Variants in FREM1 observed in about 807,000 individuals in gnomAD.
FREM1 encodes FRAS1 related extracellular matrix 1.
FREM1 carries 220 observed loss-of-function variants against 210.1 expected under a neutral mutation model. The observed-to-expected ratio is 1.05, with a 90% CI of 0.94 to 1.17. The LOEUF (loss-of-function observed/expected upper bound fraction) is 1.17, where lower values mean the gene tolerates loss of function less well. FREM1 is among the 50% of genes most tolerant of loss of function. The pLI, the probability that FREM1 is intolerant of heterozygous loss-of-function variation, is 0.00. For synonymous variants in FREM1, 1,189 were observed against 980.2 expected (o/e 1.21, Z -3.98); for missense variants, 3,454 against 2,675.5 (o/e 1.29, Z -6.42).
At position 14,769,683 on chromosome 9, in the gene FREM1, G is replaced by A. The variant is rs147019761; in HGVS notation, c.5204+41C>T. On this transcript the variant is annotated intron_variant, in intron 27 of 36. Coordinates refer to ENST00000380880, the MANE Select transcript of FREM1 (RefSeq NM_001379081.2). ...TTTCCTAATATTCAGATACATTATGGATGTAACATATAGGACTACTGAATA... is the reference window on the plus strand; with the variant it reads ...TTTCCTAATATTCAGATACATTATGAATGTAACATATAGGACTACTGAATA... 5.3e-4 allele frequency: 843 copies of A among 1,590,056 alleles called. 5 individuals carry two copies. The East Asian group carries it at 0.013, about 25-fold the overall frequency.
chr9:14,747,219 A>T lies in FREM1; in HGVS notation c.6009+45T>A, dbSNP rs544661735. On this transcript the variant is annotated intron_variant, in intron 33 of 36. Coordinates refer to ENST00000380880, the MANE Select transcript of FREM1 (RefSeq NM_001379081.2). ...ATTAAGTGTGTTTCTGGCCCAGCAA[A>T]CAACTTGTTATAAGGTGAGTAAGAA... The T allele has an allele frequency of 2.4e-5, 39 of 1,596,600 alleles. No homozygotes were observed. In the South Asian group the frequency reaches 3.9e-4, roughly 16 times the overall value.
At chr9:14,814,682 C>T (rs1819990474) in intron 15 of FREM1, among the ~76,000 whole-genome samples, 2 of 152,192 alleles carry the variant, frequency 1.3e-5, no homozygotes, top group South Asian at 4.2e-4. Context: ...GGAATATCAC[C>T]AACAAATTCA....
chr9:14,860,884 C>CATATATACGTATATAT lies in FREM1; in HGVS notation c.330-1401_330-1400insATATATACGTATATAT, dbSNP rs1564103065. ...ATACACATATATATACGTATATATA[C>CATATATACGTATATAT]ACATATATACATATATACACATATA... On this transcript the variant is annotated intron_variant, in intron 3 of 36. Transcript: ENST00000380880. Among the ~76,000 whole-genome samples, 8 of 57,280 alleles carry CATATATACGTATATAT rather than the reference C, an allele frequency of 1.4e-4. 3 individuals carry two copies. The highest frequency in any genetic ancestry group is 9.4e-4 in the African/African-American group (8 of 8,468). The allele number at this position is 57,280 out of a possible 152,430, so 37.6% of individuals were successfully genotyped here.
At chr9:14,906,715 G>A (rs1473385289) in intron 1 of FREM1, among the ~76,000 whole-genome samples, 5 of 152,168 alleles carry the variant, frequency 3.3e-5, no homozygotes, top group Non-Finnish European at 7.3e-5. Flanking sequence ...GTGGGTGTGG[G>A]CTAATGAGGC....
In FREM1 at chr9:14,789,004, TTGATTC is replaced by T; in HGVS notation, c.4086_4091del (p.Asn1363_Gln1364del). The stretch of plus-strand genomic sequence containing the variant: ...CCCAAAGGTAGAAGGTGAAGCTATC[TTGATTC>T]TGGGAATCCATTGCCCCGGTGTGTG... On this transcript the variant is annotated inframe_deletion, in exon 23 of 37. Transcript: ENST00000380880. The T allele has an allele frequency of 6.2e-7, 1 of 1,612,732 alleles. No homozygotes were observed. Among genetic ancestry groups the T allele is most frequent in the Non-Finnish European group, 8.5e-7 (1 of 1,179,430 alleles).
intron 10 of FREM1, among the ~76,000 whole-genome samples, chr9:14,825,547 G>GTGTGTGTGTGTGTATATA: frequency 7.9e-5 from 6 of 75,908 alleles, no homozygotes; most frequent in Admixed American, 1.5e-4. Flanking sequence ...GTGTGTGTGT[G>GTGTGTGTGTGTGTATATA]TATATATATA....
At chr9:14,800,036 G>C (rs986035957) in intron 20 of FREM1, among the ~76,000 whole-genome samples, 18 of 147,950 alleles carry the variant, frequency 1.2e-4, no homozygotes, top group Non-Finnish European at 2.5e-4. Context: ...CTATGAGTGA[G>C]AACATGCAGT....
At chr9:14,766,508 C>A (rs141390141) in intron 27 of FREM1, among the ~76,000 whole-genome samples, 49 of 152,206 alleles carry the variant, frequency 3.2e-4, no homozygotes, top group Middle Eastern at 3.4e-3. Flanking sequence ...TAAACAAGCA[C>A]GCAAGCTAGC....
chr9:14,785,766 G>A (rs1272815980), intron 23 of FREM1, among the ~76,000 whole-genome samples: 2 of 152,120 alleles, frequency 1.3e-5, no homozygotes, highest in African/African-American at 4.8e-5. Context: ...TTGCCAGGGA[G>A]GGGGAAATGA....
intron 6 of FREM1, among the ~76,000 whole-genome samples, chr9:14,849,468 C>T (rs1400530386): frequency 6.6e-6 from 1 of 152,144 alleles, no homozygotes; most frequent in African/African-American, 2.4e-5. Flanking sequence ...GTATGTATTG[C>T]ACCAGATGTT....
chr9:14,785,317 A>T (rs984396360), intron 23 of FREM1, among the ~76,000 whole-genome samples: 3 of 152,222 alleles, frequency 2.0e-5, no homozygotes, highest in Non-Finnish European at 4.4e-5. Flanking sequence ...TTCATTAGTT[A>T]TATGAGCAAG....
At chr9:14,837,541 T>C (rs973230410) in intron 10 of FREM1, among the ~76,000 whole-genome samples, 1 of 152,176 alleles carries the variant, frequency 6.6e-6, no homozygotes, top group African/African-American at 2.4e-5. Flanking sequence ...ACATTCTTCT[T>C]ACACAAAGAA....
In FREM1 at chr9:14,841,635, A is replaced by G. The variant is rs10511598; in HGVS notation, c.1739-46T>C. ...CACATACTTTTGTACAAGCCTATCA[A>G]ATATCGAGGGACAATGATATTGGAC... On this transcript the variant is annotated intron_variant, in intron 9 of 36. Coordinates refer to ENST00000380880, the MANE Select transcript of FREM1 (RefSeq NM_001379081.2). The G allele has an allele frequency of 0.066, 94,911 of 1,429,990 alleles. 3,635 individuals carry two copies. The highest frequency in any genetic ancestry group is 0.14 in the African/African-American group (10,175 of 70,934). 88.6% of individuals were successfully genotyped at this position (1,429,990 alleles called of 1,614,324 possible). A position where few individuals can be genotyped will look rare whatever the true frequency, so the allele number is the denominator to read the frequency against.
chr9:14,866,790 A>G (rs1206531940), intron 2 of FREM1, among the ~76,000 whole-genome samples: 1 of 152,122 alleles, frequency 6.6e-6, no homozygotes, highest in African/African-American at 2.4e-5. Context: ...TTCCTGCTTT[A>G]TCAAACACCC....
In FREM1 at chr9:14,750,236, G is replaced by A. The variant is rs374311778; in HGVS notation, c.5448C>T (p.Asp1816=). 889 of 1,612,282 alleles carry A rather than the reference G, an allele frequency of 5.5e-4. 1 individual carries two copies. Among genetic ancestry groups the A allele is most frequent in the Admixed American group, 7.5e-4 (45 of 59,932 alleles). The change falls in exon 30 of 37, where the codon GAC becomes GAT. Residue 1816 remains aspartate (D), a synonymous_variant. Transcript: ENST00000380880. ...AGACCTCATCATCTTCCTCTAATCC[G>A]TCATAGGTAATTGCTATATTCCACA... The part of the protein sequence containing the change: ...TKMWNIAITY[D]GLEEDDEVFE...
At chr9:14,774,063 A>G (rs137924956) in intron 25 of FREM1, 80 of 516,890 alleles carry the variant, frequency 1.5e-4, no homozygotes, top group African/African-American at 1.3e-3. Flanking sequence ...AGTGCTTCTT[A>G]CTGTGTTCAC....
At chr9:14,786,142 T>C (rs1850392053) in intron 23 of FREM1, among the ~76,000 whole-genome samples, 1 of 152,224 alleles carries the variant, frequency 6.6e-6, no homozygotes, top group South Asian at 2.1e-4. Flanking sequence ...GGTATTGTCA[T>C]ATCATATGCC....
At chr9:14,807,006 A>C (rs1445452106) in intron 17 of FREM1, among the ~76,000 whole-genome samples, 160 bp from the exon 18 acceptor site, 5 of 152,200 alleles carry the variant, frequency 3.3e-5, no homozygotes. Flanking sequence ...CATTCTCTTT[A>C]AAGTGAAAAT....
rs1031533326 is a variant in FREM1 at position 14,836,049 on chromosome 9, G to A, written c.1881+5398C>T. On this transcript the variant is annotated intron_variant, in intron 10 of 36. Transcript: ENST00000380880. This position sits in a 1 kb window ranked among gnomAD's most constrained non-coding sequence, Gnocchi z 4.9. ...GGCAATTATCTTGCAACTTCTGCCG[G>A]GTAATGAAAAGTGAGTAAGGTGCCC... Among the ~76,000 whole-genome samples the A allele has an allele frequency of 6.6e-6, 1 of 152,170 alleles. No individual in the cohort carries two copies. Among genetic ancestry groups the A allele is most frequent in the African/African-American group, 2.4e-5 (1 of 41,444 alleles).
Sources: allele counts gnomAD v4.1 joint callset (sites outside exome capture counted in the v4.1 genomes callset), GRCh38; gene constraint gnomAD v4.1.1; non-coding constraint Gnocchi (gnomAD v3.1); transcripts MANE v1.5; gene names NCBI Gene and HGNC (gene_info 2026-07-23, HGNC 2026-07-21).